The following PIERCE2 variants were observed in gnomAD, a reference collection of about 807,000 sequenced individuals.
PIERCE2 encodes the protein piercer of microtubule wall 2 protein.
At chr15:55,418,119 A>C in the PIERCE2 span, 3 of 1,582,994 alleles carry the variant, frequency 1.9e-6, no homozygotes, top group Non-Finnish European at 2.6e-6. Flanking sequence ...CAATGCCCTC[A>C]AGAGAACAGA....
chr15:55,409,419 C>T, the PIERCE2 span, among the ~76,000 whole-genome samples: 2 of 151,882 alleles, frequency 1.3e-5, no homozygotes, highest in African/African-American at 4.8e-5. Context: ...AAAAAAAAAT[C>T]TTACATTTAT....
chr15:55,412,120 T>C, the PIERCE2 span, among the ~76,000 whole-genome samples: 2 of 134,252 alleles, frequency 1.5e-5, no homozygotes, highest in African/African-American at 5.2e-5. Context: ...AAAAAAAAAT[T>C]GATCCCATTC....
At chr15:55,409,109 A>T in the PIERCE2 span, among the ~76,000 whole-genome samples, 8 of 152,180 alleles carry the variant, frequency 5.3e-5, no homozygotes, top group African/African-American at 1.9e-4. Flanking sequence ...AGTTGTTTTG[A>T]AAAAGGATTT....
chr15:55,417,999 G>A, the PIERCE2 span: 11 of 813,680 alleles, frequency 1.4e-5, no homozygotes, highest in Admixed American at 9.7e-5. Context: ...GGCAGGAACC[G>A]GCCATTTTCA....
chr15:55,413,903 CT>C, the PIERCE2 span, among the ~76,000 whole-genome samples: 1,418 of 145,072 alleles, frequency 9.8e-3, 16 homozygotes, highest in African/African-American at 0.031. Context: ...TAGAGAAATG[CT>C]TTTTTTTTTT....
the PIERCE2 span, chr15:55,408,600 G>T: frequency 2.4e-6 from 1 of 419,910 alleles, no homozygotes; most frequent in Non-Finnish European, 4.2e-6. Context: ...CAGCTCCCCG[G>T]ATTAAACGGA....
chr15:55,413,412 A>T, the PIERCE2 span, among the ~76,000 whole-genome samples: 1 of 152,106 alleles, frequency 6.6e-6, no homozygotes. Flanking sequence ...TGACAGAGAA[A>T]AACTTTCTCC....
the PIERCE2 span, chr15:55,418,563 C>G: frequency 6.9e-7 from 1 of 1,446,332 alleles, no homozygotes; most frequent in Admixed American, 2.2e-5. Flanking sequence ...ATTCAACACA[C>G]TCTATGAAAA....
chr15:55,409,375 A>C, the PIERCE2 span, among the ~76,000 whole-genome samples: 1 of 152,128 alleles, frequency 6.6e-6, no homozygotes, highest in Non-Finnish European at 1.5e-5. Context: ...ACTGAACTGC[A>C]GCCTGGGCAA....
At chr15:55,412,093 C>CAAAAAA in the PIERCE2 span, among the ~76,000 whole-genome samples, 257 of 81,882 alleles carry the variant, frequency 3.1e-3, no homozygotes, top group Non-Finnish European at 4.3e-3. Flanking sequence ...TTTGTCTCCA[C>CAAAAAA]AAAAAAAAAA....
the PIERCE2 span, chr15:55,418,223 G>T: frequency 6.4e-7 from 1 of 1,570,782 alleles, no homozygotes; most frequent in Non-Finnish European, 8.6e-7. Context: ...TATCTTTTAG[G>T]ATAAGAAAAG....
At chr15:55,413,070 C>T in the PIERCE2 span, among the ~76,000 whole-genome samples, 2 of 151,662 alleles carry the variant, frequency 1.3e-5, no homozygotes, top group Admixed American at 6.6e-5. Context: ...AGATCGAGAC[C>T]ATCCTGGCTA....
chr15:55,408,725 A>G, the PIERCE2 span: 8 of 1,478,326 alleles, frequency 5.4e-6, no homozygotes, highest in Middle Eastern at 3.4e-4. Flanking sequence ...CATCTGCTGC[A>G]TGAAAACTGA....
chr15:55,411,046 A>G, the PIERCE2 span: 1 of 152,256 alleles, frequency 6.6e-6, no homozygotes, highest in Non-Finnish European at 1.5e-5. Flanking sequence ...TTTGCCAACT[A>G]CAAACTTATG....
chr15:55,416,411 A>T, the PIERCE2 span, among the ~76,000 whole-genome samples: 1 of 152,110 alleles, frequency 6.6e-6, no homozygotes. Context: ...GAAACTTGTT[A>T]TATTAATTTA....
At chr15:55,408,650 T>A in the PIERCE2 span, 1 of 646,334 alleles carries the variant, frequency 1.5e-6, no homozygotes, top group Admixed American at 2.5e-5. Context: ...ATTCATCTTC[T>A]GTTTGCTGCT....
At chr15:55,418,419 T>C in the PIERCE2 span, 2 of 1,528,068 alleles carry the variant, frequency 1.3e-6, no homozygotes, top group Non-Finnish European at 1.8e-6. Context: ...TTTCTACCTA[T>C]TCCACAGTTT....
chr15:55,417,602 T>C, the PIERCE2 span: 1 of 152,246 alleles, frequency 6.6e-6, no homozygotes, highest in African/African-American at 2.4e-5. Context: ...TTTTTCCCTA[T>C]GATTTACAGA....
the PIERCE2 span, among the ~76,000 whole-genome samples, chr15:55,410,247 TTC>T: frequency 2.0e-5 from 3 of 152,224 alleles, no homozygotes; most frequent in African/African-American, 7.2e-5. Flanking sequence ...CTAATTTGTC[TTC>T]TGTTTTTACT....
Sources: gnomAD v4.1 joint callset for allele counts (sites outside exome capture counted in the v4.1 genomes callset) on GRCh38, gnomAD v4.1.1 for gene constraint, MANE v1.5 for transcripts, NCBI Gene and HGNC (gene_info 2026-07-23, HGNC 2026-07-21) for gene names.